The following ITGB7 variants were observed in gnomAD, a reference collection of about 807,000 sequenced individuals.
ITGB7 encodes the protein integrin subunit beta 7, also known as integrin beta-7.
In ITGB7, 55 loss-of-function variants were observed where a neutral mutation model predicts 83.4. The observed-to-expected ratio is 0.66, with a 90% CI of 0.53 to 0.83. ITGB7 has a LOEUF of 0.83. Among genes scored for constraint, ITGB7 ranks in the 40% least tolerant of loss-of-function variants. ITGB7 has a pLI of 0.00. For synonymous variants in ITGB7, 454 were observed against 423.6 expected, an observed-to-expected ratio of 1.07 and a Z score of -0.88; for missense variants, 921 against 1,046.7, an observed-to-expected ratio of 0.88 and a Z score of 1.66.
In ITGB7 at chr12:53,197,873, C is replaced by G; in HGVS notation, c.280G>C (p.Glu94Gln). 6.5e-7 allele frequency: 1 copy of G among 1,534,906 alleles called. No individual in the cohort carries two copies. Among genetic ancestry groups the G allele is most frequent in the Admixed American group, 2.0e-5 (1 of 51,144 alleles). The change falls in exon 4 of 16, where the codon GAG (glutamate) becomes CAG (glutamine). Residue 94 changes from glutamate to glutamine, a missense_variant. Transcript: ENST00000267082. ...EELLARGCPLEELEEPRGQQE... is the reference protein window; with the variant it reads ...EELLARGCPLQELEEPRGQQE... The stretch of plus-strand genomic sequence containing the variant: ...TGGCCGCGGGGCTCCTCCAGCTCCT[C>G]CAGCGGGCAGCCTCGAGCCAGCAGC...
At chr12:53,201,923 G>A (rs986130544) in intron 1 of ITGB7, among the ~76,000 whole-genome samples, 1 of 152,214 alleles carries the variant, frequency 6.6e-6, no homozygotes, top group Admixed American at 6.5e-5. Flanking sequence ...AAAGAAGACA[G>A]TGTGGTACTG....
At chr12:53,197,328 A>T in intron 5 of ITGB7, 165 bp downstream of exon 5, 1 of 749,484 alleles carries the variant, frequency 1.3e-6, no homozygotes, top group Non-Finnish European at 2.4e-6. Flanking sequence ...GACCTAGAAG[A>T]TGGGTGTCTA....
chr12:53,196,366 G>A (rs1188485563), intron 6 of ITGB7, 167 bp from the exon 7 acceptor site: 7 of 1,001,936 alleles, frequency 7.0e-6, no homozygotes, highest in Non-Finnish European at 1.0e-5. Context: ...CCCTAAAGAA[G>A]GCTGCTGCTA....
At position 53,194,089 on chromosome 12, in the gene ITGB7, C is replaced by T. The variant is rs114843655; in HGVS notation, c.1308+109G>A. 2.4e-4 allele frequency: 357 copies of T among 1,496,904 alleles called. 1 individual carries two copies. The African/African-American group carries it at 4.5e-3, about 19-fold the overall frequency. The allele number at this position is 1,496,904 out of a possible 1,614,324, so 92.7% of individuals were successfully genotyped here. A position where few individuals can be genotyped will look rare whatever the true frequency, so the allele number is the denominator to read the frequency against. ...AGGAAGGATGGATGGAGGACTACCT[C>T]AGGCTCTCATGTCACTCCCTGTACC... On this transcript the variant is annotated intron_variant, in intron 10 of 15. Transcript: ENST00000267082.
At position 53,192,751 on chromosome 12, in the gene ITGB7, C is replaced by T; in HGVS notation, c.1886G>A (p.Gly629Asp). Residue 629 changes from glycine (G) to aspartate (D), a missense_variant, in exon 13 of 16, where the codon GGC becomes GAC. Gly to Asp is a moderately conservative substitution (Grantham distance 94). Transcript: ENST00000267082. ...CKCNRCQCLD[G>D]YYGALCDQCP... Reference sequence around the variant, plus strand: ...TTGGTCGCATAGAGCACCATAGTAGCCGTCCAAGCACTGGCAGCGGTTGCA... The same window carrying T: ...TTGGTCGCATAGAGCACCATAGTAGTCGTCCAAGCACTGGCAGCGGTTGCA... The T allele has an allele frequency of 3.7e-6, 6 of 1,614,232 alleles. No homozygotes were observed. Among genetic ancestry groups the T allele is most frequent in the Middle Eastern group, 3.3e-4 (2 of 6,060 alleles).
In ITGB7 at chr12:53,193,302, C is replaced by A. The variant is rs1170432785; in HGVS notation, c.1564G>T (p.Asp522Tyr). The A allele has an allele frequency of 6.2e-7, 1 of 1,611,628 alleles. No individual in the cohort carries two copies. Among genetic ancestry groups the A allele is most frequent in the Admixed American group, 1.7e-5 (1 of 59,908 alleles). The change falls in exon 12 of 16, where the codon GAC (aspartate) becomes TAC (tyrosine). Residue 522 changes from aspartate (D) to tyrosine (Y), a missense_variant. By Grantham distance (160) the Asp-to-Tyr change is radical (BLOSUM62 -3). Coordinates refer to ENST00000267082, the MANE Select transcript of ITGB7 (RefSeq NM_000889.3). ...GGAGCCCGGCACCCAGATTCCAGGT[C>A]TGGGGAGGACAGCTCTGCCACAGAG... ...ECSVAELSSP[D>Y]LESGCRAPNG...
chr12:53,197,424 G>A (rs1170132313), intron 5 of ITGB7, 69 bp downstream of exon 5: 7 of 1,572,672 alleles, frequency 4.5e-6, no homozygotes, highest in Admixed American at 1.7e-5. Flanking sequence ...AGTCCAGGAT[G>A]TTGGCAGAGG....
chr12:53,192,301 C>T, intron 14 of ITGB7, 29 bp downstream of exon 14: 2 of 1,610,024 alleles, frequency 1.2e-6, no homozygotes, highest in Non-Finnish European at 1.7e-6. Context: ...ATCAAACTTC[C>T]AGGGTTTGTG....
rs190104337 is a variant in ITGB7 at position 53,202,971 on chromosome 12, A to T, written c.-126-1777T>A. ...CCCTAAATATAACTACTAAAACTAT[A>T]AATTCTTAGAAGAAAGTATATAGGT... On this transcript the variant is annotated intron_variant, in intron 1 of 15. Coordinates refer to ENST00000267082, the MANE Select transcript of ITGB7 (RefSeq NM_000889.3). Among the ~76,000 whole-genome samples, 3 of 152,342 alleles carry T rather than the reference A, an allele frequency of 2.0e-5. No homozygotes were observed. The East Asian group carries it at 5.8e-4, about 29-fold the overall frequency.
chr12:53,196,936 C>G (rs1435003008), intron 5 of ITGB7, 116 bp from the exon 6 acceptor site: 1 of 1,259,564 alleles, frequency 7.9e-7, no homozygotes, highest in African/African-American at 1.5e-5. Context: ...GAGGGTGCAC[C>G]TAGGGGGCAG....
At chr12:53,205,217 G>A (rs1307192743) in intron 1 of ITGB7, among the ~76,000 whole-genome samples, 1 of 152,098 alleles carries the variant, frequency 6.6e-6, no homozygotes, top group East Asian at 1.9e-4. Context: ...ATAGGGTCTT[G>A]CTCTGTCACC....
chr12:53,206,291 G>C (rs2120550868), intron 1 of ITGB7, among the ~76,000 whole-genome samples: 1 of 152,108 alleles, frequency 6.6e-6, no homozygotes, highest in South Asian at 2.1e-4. Context: ...TTTCCCCTCT[G>C]TTCCTAACTA....
At chr12:53,198,060 C>A in intron 3 of ITGB7, 109 bp from the exon 4 acceptor site, 1 of 761,120 alleles carries the variant, frequency 1.3e-6, no homozygotes, top group Non-Finnish European at 2.1e-6. Context: ...CACCTCCAGT[C>A]CACTCCTTGA....
At position 53,203,647 on chromosome 12, in the gene ITGB7, CAAA is replaced by C. The variant is rs1158624130; in HGVS notation, c.-126-2456_-126-2454del. 1.0e-3 allele frequency among the ~76,000 whole-genome samples: 53 copies of C among 51,058 alleles called. No individual in the cohort carries two copies. In the East Asian group the frequency reaches 0.022, roughly 22 times the overall value. 33.5% of individuals were successfully genotyped at this position (51,058 alleles called of 152,430 possible). On this transcript the variant is annotated intron_variant, in intron 1 of 15. Transcript: ENST00000267082. ...TAGGCGACAGAGCGAGACCCTGTCT[CAAA>C]AAAAAAAAAAAAAAAAAAAAAGAAA...
chr12:53,205,844 A>G (rs976313149), intron 1 of ITGB7, among the ~76,000 whole-genome samples: 13 of 151,930 alleles, frequency 8.6e-5, no homozygotes, highest in Non-Finnish European at 1.5e-4. Flanking sequence ...CCTGCTCCCC[A>G]CCACCTGTGA....
chr12:53,199,449 C>T (rs1038836250), intron 3 of ITGB7, among the ~76,000 whole-genome samples: 8 of 152,136 alleles, frequency 5.3e-5, no homozygotes, highest in Non-Finnish European at 1.2e-4. Flanking sequence ...AATGCCTCCA[C>T]CCAAAACACA....
At chr12:53,195,959 A>G (rs1942147328) in intron 7 of ITGB7, 82 bp downstream of exon 7, 1 of 1,517,098 alleles carries the variant, frequency 6.6e-7, no homozygotes, top group African/African-American at 1.4e-5. Context: ...ACTGGTGAGG[A>G]CTGTAAGGCT....
chr12:53,197,070 C>G (rs1337859191), intron 5 of ITGB7: 1 of 570,966 alleles, frequency 1.8e-6, no homozygotes, highest in Non-Finnish European at 3.1e-6. Flanking sequence ...GGAAGAAGGC[C>G]CGGGTATAGG....
Position 53,193,375 on chromosome 12 carries a change from AG to A in ITGB7, c.1503-13del. The A allele has an allele frequency of 1.3e-6, 2 of 1,550,982 alleles. No homozygotes were observed. Among genetic ancestry groups the A allele is most frequent in the Non-Finnish European group, 1.7e-6 (2 of 1,144,442 alleles). ...GGCCAGGGGCACAGCTGGAAGGGGAAGGCAAAGGAGAGAAGTAGGTCAGAGG... is the reference window on the plus strand; with the variant it reads ...GGCCAGGGGCACAGCTGGAAGGGGAAGCAAAGGAGAGAAGTAGGTCAGAGG... On this transcript the variant is annotated splice_polypyrimidine_tract_variant and intron_variant, in intron 11 of 15. Coordinates refer to ENST00000267082, the MANE Select transcript of ITGB7 (RefSeq NM_000889.3).
Sources: gnomAD v4.1 joint callset for allele counts (sites outside exome capture counted in the v4.1 genomes callset) on GRCh38, gnomAD v4.1.1 for gene constraint, MANE v1.5 for transcripts, NCBI Gene and HGNC (gene_info 2026-07-23, HGNC 2026-07-21) for gene names.